The following KCNH1 variants were observed in gnomAD, a reference collection of about 807,000 sequenced individuals.
KCNH1 encodes the protein potassium voltage-gated channel subfamily H member 1, also known as voltage-gated delayed rectifier potassium channel KCNH1.
Under a neutral mutation model 69.2 loss-of-function variants are expected in KCNH1, and 27 were observed. That is an observed-to-expected ratio of 0.39 (90% CI 0.29 to 0.54). The LOEUF (loss-of-function observed/expected upper bound fraction) is 0.54. Ranked by LOEUF, KCNH1 falls within the 20% of genes least tolerant of loss-of-function variation. KCNH1 has a pLI of 0.68. For synonymous variants in KCNH1, 456 were observed against 487.7 expected (o/e 0.93, Z 0.86); for missense variants, 798 against 1,261.6 (o/e 0.63, Z 5.57).
At chr1:211,061,352 T>C (rs751650441) in intron 5 of KCNH1, among the ~76,000 whole-genome samples, 3 of 152,054 alleles carry the variant, frequency 2.0e-5, no homozygotes, top group Non-Finnish European at 4.4e-5. Context: ...CCACAGCTAG[T>C]ATAATACCGA....
chr1:210,982,718 C>T (rs910196228), intron 6 of KCNH1, among the ~76,000 whole-genome samples: 2 of 152,038 alleles, frequency 1.3e-5, no homozygotes, highest in Non-Finnish European at 2.9e-5. Context: ...TGAATAGTGC[C>T]GCAATAAACA....
chr1:210,983,731 C>T (rs1688763524), intron 6 of KCNH1, among the ~76,000 whole-genome samples: 1 of 152,266 alleles, frequency 6.6e-6, no homozygotes, highest in Non-Finnish European at 1.5e-5. Flanking sequence ...GTTCTTTTGG[C>T]TTAGCATCGA....
intron 10 of KCNH1, among the ~76,000 whole-genome samples, chr1:210,695,891 C>A (rs1028820266): frequency 6.6e-6 from 1 of 152,212 alleles, no homozygotes; most frequent in Admixed American, 6.5e-5. Flanking sequence ...CCCTTGCCGG[C>A]TAGTTTCCTG....
chr1:210,896,310 G>A (rs964504349), intron 7 of KCNH1, among the ~76,000 whole-genome samples: 2 of 151,840 alleles, frequency 1.3e-5, no homozygotes, highest in African/African-American at 4.8e-5. Flanking sequence ...AAAAAAAAAT[G>A]TTACTGACAA....
intron 4 of KCNH1, among the ~76,000 whole-genome samples, chr1:211,088,946 A>T (rs1190184525): frequency 6.6e-6 from 1 of 152,026 alleles, no homozygotes; most frequent in Admixed American, 6.6e-5. Flanking sequence ...TCACTACATC[A>T]CTCTGATTTA....
At chr1:210,847,819 A>G (rs57449301) in intron 7 of KCNH1, among the ~76,000 whole-genome samples, 14,707 of 147,986 alleles carry the variant, frequency 0.099, 1,575 homozygotes, top group African/African-American at 0.26. Context: ...AAAATGTGGG[A>G]AAAAAAAAAG....
chr1:210,872,707 G>A (rs749473331), intron 7 of KCNH1, among the ~76,000 whole-genome samples: 2 of 152,106 alleles, frequency 1.3e-5, no homozygotes, highest in Non-Finnish European at 2.9e-5. Context: ...CAGATCTCAT[G>A]ATAACTCACT....
intron 6 of KCNH1, among the ~76,000 whole-genome samples, chr1:211,009,014 G>A (rs529976809): frequency 6.6e-6 from 1 of 152,254 alleles, no homozygotes; most frequent in African/African-American, 2.4e-5. Context: ...GCCATTTAGG[G>A]GAAGAATATT....
intron 6 of KCNH1, among the ~76,000 whole-genome samples, chr1:210,995,333 G>C (rs1185136747): frequency 6.6e-6 from 1 of 152,156 alleles, no homozygotes; most frequent in East Asian, 1.9e-4. Context: ...GAAAGAATGA[G>C]AGAATCACAG....
chr1:210,751,050 C>G (rs890052389), intron 10 of KCNH1, among the ~76,000 whole-genome samples: 1 of 152,156 alleles, frequency 6.6e-6, no homozygotes, highest in Non-Finnish European at 1.5e-5. Flanking sequence ...TGGTGCTAAG[C>G]TGGTAGGAGT....
chr1:210,993,195 T>C (rs1354044257), intron 6 of KCNH1, among the ~76,000 whole-genome samples: 2 of 152,196 alleles, frequency 1.3e-5, no homozygotes, highest in African/African-American at 2.4e-5. Flanking sequence ...TATGTAAACA[T>C]ATAACAAATA....
chr1:211,046,195 A>G (rs1004042560), intron 5 of KCNH1, among the ~76,000 whole-genome samples: 6 of 152,210 alleles, frequency 3.9e-5, no homozygotes, highest in Non-Finnish European at 8.8e-5. Context: ...GAGTGCAGCT[A>G]TCTCTTCAAG....
intron 7 of KCNH1, among the ~76,000 whole-genome samples, chr1:210,834,211 T>G (rs1395215450): frequency 6.6e-6 from 1 of 151,544 alleles, no homozygotes; most frequent in African/African-American, 2.4e-5. Context: ...CTATAAATCA[T>G]GCTGCTATAA....
chr1:210,993,775 G>A (rs1010677222), intron 6 of KCNH1, among the ~76,000 whole-genome samples: 7 of 152,086 alleles, frequency 4.6e-5, no homozygotes, highest in Admixed American at 1.3e-4. Context: ...GCAAACCTAA[G>A]GCTAAACAAG....
At chr1:211,024,692 G>A (rs1689652741) in intron 5 of KCNH1, among the ~76,000 whole-genome samples, 1 of 152,048 alleles carries the variant, frequency 6.6e-6, no homozygotes, top group Non-Finnish European at 1.5e-5. Context: ...ACAGAATCAG[G>A]GTACTTGTTA....
intron 5 of KCNH1, among the ~76,000 whole-genome samples, chr1:211,052,281 A>G (rs1188929577): frequency 1.3e-5 from 2 of 152,268 alleles, no homozygotes; most frequent in Non-Finnish European, 2.9e-5. Context: ...CAGGAAGGCC[A>G]TGCACTGGTT....
chr1:210,708,591 G>C (rs915870849), intron 10 of KCNH1, among the ~76,000 whole-genome samples: 1 of 151,848 alleles, frequency 6.6e-6, no homozygotes, highest in Admixed American at 6.6e-5. Context: ...ACTCTTGCAG[G>C]GTTACTGGAC....
chr1:210,931,623 T>C (rs1687682281), intron 6 of KCNH1, among the ~76,000 whole-genome samples: 1 of 152,080 alleles, frequency 6.6e-6, no homozygotes, highest in South Asian at 2.1e-4. Context: ...AATAACTTCA[T>C]GTAACCAAAC....
chr1:211,032,760 T>G (rs1166477363), intron 5 of KCNH1, among the ~76,000 whole-genome samples: 1 of 152,142 alleles, frequency 6.6e-6, no homozygotes, highest in Non-Finnish European at 1.5e-5. Flanking sequence ...CGAACATTAA[T>G]TCAAGATGGA....
Sources: allele counts gnomAD v4.1 joint callset (sites outside exome capture counted in the v4.1 genomes callset), GRCh38; gene constraint gnomAD v4.1.1; transcripts MANE v1.5; gene names NCBI Gene and HGNC (gene_info 2026-07-23, HGNC 2026-07-21).